Variants in KLHL29 observed in about 807,000 individuals in gnomAD.
KLHL29 encodes the protein kelch-like protein 29.
Under a neutral mutation model 80.4 loss-of-function variants are expected in KLHL29, and 21 were observed. The ratio of observed to expected loss-of-function variants is 0.26; its 90% CI spans 0.19 to 0.38. KLHL29 has a LOEUF of 0.38. Among genes scored for constraint, KLHL29 ranks in the 10% least tolerant of loss-of-function variants. KLHL29 has a pLI of 1.00. For missense variants in KLHL29, 867 were observed against 1,223.9 expected (o/e 0.71, Z 4.35); for synonymous variants, 511 against 526.8 (o/e 0.97, Z 0.41).
At chr2:23,494,761 G>A (rs1266851790) in intron 2 of KLHL29, among the ~76,000 whole-genome samples, 3 of 136,236 alleles carry the variant, frequency 2.2e-5, no homozygotes, top group African/African-American at 8.4e-5. Context: ...GATGGATTCT[G>A]GTGACCGTCA....
chr2:23,525,676 C>T (rs1043012224), intron 2 of KLHL29, among the ~76,000 whole-genome samples: 5 of 151,834 alleles, frequency 3.3e-5, no homozygotes, highest in Admixed American at 6.6e-5. Flanking sequence ...AGGCATGGAA[C>T]CTGCTGGGAC....
chr2:23,564,773 G>A (rs1264416135), intron 3 of KLHL29, among the ~76,000 whole-genome samples: 2 of 152,224 alleles, frequency 1.3e-5, no homozygotes, highest in Non-Finnish European at 2.9e-5. Flanking sequence ...GGCAAGAGCT[G>A]GCTGGCTCTT....
chr2:23,636,145 C>T (rs1320212071), intron 3 of KLHL29, among the ~76,000 whole-genome samples: 3 of 152,156 alleles, frequency 2.0e-5, no homozygotes, highest in Non-Finnish European at 4.4e-5. Context: ...TGGAACTCGT[C>T]GTAGGAGGGG....
chr2:23,387,794 C>G (rs973552215), intron 1 of KLHL29, among the ~76,000 whole-genome samples: 1 of 152,236 alleles, frequency 6.6e-6, no homozygotes, highest in Admixed American at 6.5e-5. Context: ...ATTTATCACC[C>G]TGCTATAAAT....
Position 23,682,323 on chromosome 2 carries a change from G to A in KLHL29, c.941-2076G>A, listed in dbSNP as rs1406327512. Among the ~76,000 whole-genome samples, 4 of 152,146 alleles carry A rather than the reference G, an allele frequency of 2.6e-5. No homozygotes were observed. The highest frequency in any genetic ancestry group is 9.7e-5 in the African/African-American group (4 of 41,422). The stretch of plus-strand genomic sequence containing the variant: ...AACCTTCAACAAGTGTGGACCCTGA[G>A]GCTCTGAGGATGTGGGTCCCCTTTC... On this transcript the variant is annotated intron_variant, in intron 5 of 13. Transcript: ENST00000486442. The surrounding 1 kb of genome is among the most constrained non-coding windows in gnomAD (Gnocchi z 4.1).
chr2:23,568,523 A>C (rs147195585), intron 3 of KLHL29, among the ~76,000 whole-genome samples: 2 of 152,322 alleles, frequency 1.3e-5, no homozygotes, highest in South Asian at 2.1e-4. Flanking sequence ...CCATCCAGCT[A>C]GCTCAGGCTT....
chr2:23,422,141 G>A lies in KLHL29; in HGVS notation c.-154+36361G>A, dbSNP rs111214427. Among the ~76,000 whole-genome samples, 682 of 151,744 alleles carry A rather than the reference G, an allele frequency of 4.5e-3. 5 individuals carry two copies. Among genetic ancestry groups the A allele is most frequent in the Non-Finnish European group, 4.5e-3 (303 of 67,926 alleles). On this transcript the variant is annotated intron_variant, in intron 1 of 13. Transcript: ENST00000486442. ...ATGGGTGGGTCTTTGTGTGTTGTGT[G>A]TGTCTGTGTGAGTGTGTGTTCTTTG... is the stretch of plus-strand genomic sequence containing the variant.
intron 3 of KLHL29, among the ~76,000 whole-genome samples, chr2:23,592,504 C>A (rs1034813864): frequency 6.6e-6 from 1 of 152,234 alleles, no homozygotes; most frequent in Non-Finnish European, 1.5e-5. Context: ...GGCTCAGGGT[C>A]CACATGGCCG....
intron 3 of KLHL29, among the ~76,000 whole-genome samples, chr2:23,581,828 C>CA (rs58233449): frequency 0.033 from 2,772 of 82,896 alleles, 198 homozygotes; most frequent in African/African-American, 0.12. Flanking sequence ...AACTCTGCCT[C>CA]AAAAAAAAAA....
chr2:23,676,373 G>A (rs1445196597), intron 5 of KLHL29, among the ~76,000 whole-genome samples: 3 of 152,114 alleles, frequency 2.0e-5, no homozygotes, highest in African/African-American at 4.8e-5. Context: ...TAGTAAAGAC[G>A]GGGTTTCACC....
At chr2:23,400,140 A>G (rs1170525959) in intron 1 of KLHL29, among the ~76,000 whole-genome samples, 1 of 152,278 alleles carries the variant, frequency 6.6e-6, no homozygotes, top group East Asian at 1.9e-4. Flanking sequence ...TGGCCTTAAC[A>G]GGTTGACGTC....
At chr2:23,536,870 G>A (rs948675981) in intron 2 of KLHL29, among the ~76,000 whole-genome samples, 2 of 150,790 alleles carry the variant, frequency 1.3e-5, no homozygotes, top group South Asian at 2.1e-4. Context: ...TCCTACTAAC[G>A]AAATAGCGAA....
At chr2:23,594,472 T>C (rs530010322) in intron 3 of KLHL29, among the ~76,000 whole-genome samples, 2 of 152,288 alleles carry the variant, frequency 1.3e-5, no homozygotes, top group Admixed American at 6.5e-5. Context: ...AGTGCCCTTC[T>C]TCGCTGACTT....
chr2:23,618,659 C>T (rs1245032401), intron 3 of KLHL29, among the ~76,000 whole-genome samples: 4 of 152,150 alleles, frequency 2.6e-5, no homozygotes, highest in African/African-American at 9.7e-5. Context: ...CGGGACTTCT[C>T]GGCCTCCATG....
Position 23,693,130 on chromosome 2 carries a change from G to T in KLHL29, c.1283-139G>T, listed in dbSNP as rs887682909. ...AAGCCTCCAGACACCCAGGAAGGGG[G>T]CCTGCAGGGACTCTGGACACTGCAG... On this transcript the variant is annotated intron_variant, in intron 7 of 13. Coordinates refer to ENST00000486442, the MANE Select transcript of KLHL29 (RefSeq NM_052920.2). 30 of 996,386 alleles carry T rather than the reference G, an allele frequency of 3.0e-5. No homozygotes were observed. In the African/African-American group the frequency reaches 5.0e-4, roughly 17 times the overall value. The allele number at this position is 996,386 out of a possible 1,614,324, so 61.7% of individuals were successfully genotyped here. A position where few individuals can be genotyped will look rare whatever the true frequency, so the allele number is the denominator to read the frequency against.
In KLHL29 at chr2:23,615,657, C is replaced by T. The variant is rs554727313; in HGVS notation, c.286-23482C>T. ...TTTCCATGGGCTGCCCACCCCAGCT[C>T]CTGGGGCCCTCTGAGAAATCCCATT... On this transcript the variant is annotated intron_variant, in intron 3 of 13. Transcript: ENST00000486442. 3.6e-4 allele frequency among the ~76,000 whole-genome samples: 55 copies of T among 152,304 alleles called. 1 individual carries two copies. Among genetic ancestry groups the T allele is most frequent in the Non-Finnish European group, 6.8e-4 (46 of 68,024 alleles).
chr2:23,489,809 G>C (rs1408918534), intron 2 of KLHL29, among the ~76,000 whole-genome samples: 2 of 152,118 alleles, frequency 1.3e-5, no homozygotes, highest in African/African-American at 4.8e-5. Flanking sequence ...AGGGAGCTGG[G>C]TGGGGTGGGC....
Position 23,684,326 on chromosome 2 carries a change from A to G in KLHL29, c.941-73A>G. 8.4e-7 allele frequency: 1 copy of G among 1,189,018 alleles called. No individual in the cohort carries two copies. The highest frequency in any genetic ancestry group is 1.1e-6 in the Non-Finnish European group (1 of 908,102). 73.7% of individuals were successfully genotyped at this position (1,189,018 alleles called of 1,614,324 possible). On this transcript the variant is annotated intron_variant, in intron 5 of 13. Coordinates refer to ENST00000486442, the MANE Select transcript of KLHL29 (RefSeq NM_052920.2). This position sits in a 1 kb window ranked among gnomAD's most constrained non-coding sequence, Gnocchi z 4.4. Reference sequence around the variant, plus strand: ...TTCTCTACTTCTTGAAAAAAGAAAAAAAACTTTTTTTAATTAAAAAAAAAA... The same window carrying G: ...TTCTCTACTTCTTGAAAAAAGAAAAGAAACTTTTTTTAATTAAAAAAAAAA...
rs1254647409 is a variant in KLHL29, at chr2:23,691,954, A to G, written c.1282+78A>G. On this transcript the variant is annotated intron_variant, in intron 7 of 13. Transcript: ENST00000486442. ...AGAACTCCATAAACAGCAAGGACTG[A>G]GCGGGGAGGTCTGTGTGTGCACACC... 1.3e-5 allele frequency: 19 copies of G among 1,416,410 alleles called. No homozygotes were observed. The Middle Eastern group carries it at 7.0e-4, about 52-fold the overall frequency. 87.7% of individuals were successfully genotyped at this position (1,416,410 alleles called of 1,614,324 possible).
Sources: gnomAD v4.1 joint callset for allele counts (sites outside exome capture counted in the v4.1 genomes callset) on GRCh38, gnomAD v4.1.1 for gene constraint, Gnocchi (gnomAD v3.1) non-coding constraint, MANE v1.5 for transcripts, NCBI Gene and HGNC (gene_info 2026-07-23, HGNC 2026-07-21) for gene names.